The following PDE9A variants were observed in gnomAD, a reference collection of about 807,000 sequenced individuals.
PDE9A encodes phosphodiesterase 9A.
A neutral mutation model predicts 87.4 loss-of-function variants in PDE9A; 60 were observed. That is an observed-to-expected ratio of 0.69 (90% CI 0.56 to 0.85). The LOEUF (loss-of-function observed/expected upper bound fraction) is 0.85. Ranked by LOEUF, PDE9A falls within the 40% of genes least tolerant of loss-of-function variation. The pLI, the probability that PDE9A is intolerant of heterozygous loss-of-function variation, is 0.00. For missense variants in PDE9A, 665 were observed against 779.0 expected (o/e 0.85, Z 1.74); for synonymous variants, 272 against 279.4 (o/e 0.97, Z 0.27).
At chr21:42,714,288 A>G (rs1160327459) in intron 4 of PDE9A, among the ~76,000 whole-genome samples, 1 of 152,178 alleles carries the variant, frequency 6.6e-6, no homozygotes, top group Non-Finnish European at 1.5e-5. Flanking sequence ...AAGTGCTGGG[A>G]TTACAGGTGT....
intron 17 of PDE9A, 81 bp from the exon 18 acceptor site, chr21:42,770,622 C>G (rs1432940670): frequency 9.4e-7 from 1 of 1,068,836 alleles, no homozygotes; most frequent in Non-Finnish European, 1.4e-6. Flanking sequence ...CCGCACGGAG[C>G]ACCTGACACC....
intron 19 of PDE9A, among the ~76,000 whole-genome samples, chr21:42,773,863 G>A (rs948963799): frequency 6.7e-6 from 1 of 150,106 alleles, no homozygotes; most frequent in African/African-American, 2.5e-5. Flanking sequence ...CCAGCACTTT[G>A]GGAGGCCAAG....
intron 1 of PDE9A, among the ~76,000 whole-genome samples, chr21:42,681,458 C>G (rs536723910): frequency 5.3e-5 from 8 of 152,304 alleles, no homozygotes. Context: ...TCTCTGTGTG[C>G]CTTGGTTTCC....
rs1176689740 is a variant in PDE9A, at chr21:42,705,747, G to A, written c.262+6736G>A. ...GTCACACTTAACCCAAGTGATGACAGCCTCTTCAACTAGGACAGTGCTGTA... is the reference window on the plus strand; with the variant it reads ...GTCACACTTAACCCAAGTGATGACAACCTCTTCAACTAGGACAGTGCTGTA... On this transcript the variant is annotated intron_variant, in intron 4 of 19. Transcript: ENST00000291539. This position sits in a 1 kb window ranked among gnomAD's most constrained non-coding sequence, Gnocchi z 4.3. Among the ~76,000 whole-genome samples the A allele has an allele frequency of 6.6e-6, 1 of 152,170 alleles. No individual in the cohort carries two copies. Among genetic ancestry groups the A allele is most frequent in the African/African-American group, 2.4e-5 (1 of 41,436 alleles).
Position 42,731,894 on chromosome 21 carries a change from G to A in PDE9A, c.387G>A (p.Glu129=), listed in dbSNP as rs144139094. The part of the protein sequence containing the change: ...REGAFESGQV[E]PRPREPQGCY... ...GAGCATTTGAAAGTGGACAGGTAGA[G>A]CCCAGGCCCAGAGAGCCCCAGGGCT... The change falls in exon 5 of 20, where the codon GAG becomes GAA. Residue 129 remains glutamate, a synonymous_variant. Coordinates refer to ENST00000291539, the MANE Select transcript of PDE9A (RefSeq NM_002606.3). 22 of 1,614,154 alleles carry A rather than the reference G, an allele frequency of 1.4e-5. No individual in the cohort carries two copies. Among genetic ancestry groups the A allele is most frequent in the Middle Eastern group, 3.3e-4 (2 of 6,062 alleles).
intron 1 of PDE9A, among the ~76,000 whole-genome samples, chr21:42,673,314 G>A (rs139349831): frequency 6.6e-6 from 1 of 152,126 alleles, no homozygotes; most frequent in African/African-American, 2.4e-5. Flanking sequence ...GGCGATCCTA[G>A]AGGTAAGAGA....
At chr21:42,731,330 T>C (rs1451266698) in intron 4 of PDE9A, among the ~76,000 whole-genome samples, 7 of 152,150 alleles carry the variant, frequency 4.6e-5, no homozygotes, top group Admixed American at 2.6e-4. Flanking sequence ...TGACGTAAAC[T>C]TATGACTAAG....
At chr21:42,720,993 G>A (rs898779211) in intron 4 of PDE9A, among the ~76,000 whole-genome samples, 7 of 151,390 alleles carry the variant, frequency 4.6e-5, no homozygotes, top group Non-Finnish European at 7.4e-5. Context: ...TAACAAGAGC[G>A]AAACTCCGTC....
intron 1 of PDE9A, among the ~76,000 whole-genome samples, chr21:42,667,751 C>T (rs753405342): frequency 2.4e-4 from 37 of 152,074 alleles, no homozygotes; most frequent in Non-Finnish European, 5.0e-4. Context: ...TCCCTAGAAA[C>T]CCGTGGCAAG....
intron 8 of PDE9A, among the ~76,000 whole-genome samples, chr21:42,744,350 G>A (rs1174716594): frequency 6.6e-6 from 1 of 151,908 alleles, no homozygotes; most frequent in Non-Finnish European, 1.5e-5. Context: ...GCAAGACTCT[G>A]TCTCAAGAAA....
At position 42,758,692 on chromosome 21, in the gene PDE9A, C is replaced by T. The variant is rs1488685596; in HGVS notation, c.811-307C>T. The stretch of plus-strand genomic sequence containing the variant: ...GAACGGGTGCACTCTCTCACCCGGT[C>T]GCTGTCCTAAGAATTCTCCTTGACT... On this transcript the variant is annotated intron_variant, in intron 10 of 19. Coordinates refer to ENST00000291539, the MANE Select transcript of PDE9A (RefSeq NM_002606.3). 33 of 349,418 alleles carry T rather than the reference C, an allele frequency of 9.4e-5. No individual in the cohort carries two copies. The East Asian group carries it at 1.3e-3, about 14-fold the overall frequency. The allele number at this position is 349,418 out of a possible 1,614,324, so 21.6% of individuals were successfully genotyped here.
chr21:42,771,729 C>T (rs2057039501), intron 18 of PDE9A, among the ~76,000 whole-genome samples: 1 of 152,256 alleles, frequency 6.6e-6, no homozygotes, highest in Admixed American at 6.5e-5. Flanking sequence ...TCTCCCTCGA[C>T]TGACGGCCCC....
At chr21:42,685,156 GTT>G (rs2059382965) in intron 1 of PDE9A, among the ~76,000 whole-genome samples, 1 of 152,212 alleles carries the variant, frequency 6.6e-6, no homozygotes, top group East Asian at 1.9e-4. Flanking sequence ...GGCGTGGCCC[GTT>G]CCGCGCTCTG....
intron 1 of PDE9A, among the ~76,000 whole-genome samples, chr21:42,685,734 C>T (rs1238430023): frequency 6.6e-6 from 1 of 152,148 alleles, no homozygotes; most frequent in African/African-American, 2.4e-5. Flanking sequence ...TCCCAAAGTG[C>T]TGGGATTACA....
intron 1 of PDE9A, among the ~76,000 whole-genome samples, chr21:42,656,075 C>T (rs2057046711): frequency 6.6e-6 from 1 of 152,340 alleles, no homozygotes; most frequent in Admixed American, 6.5e-5. Flanking sequence ...CCATCAGCCG[C>T]CATTCCTTCT....
intron 2 of PDE9A, 136 bp downstream of exon 2, chr21:42,686,398 C>G (rs2059476693): frequency 3.0e-6 from 2 of 674,134 alleles, no homozygotes; most frequent in South Asian, 3.4e-5. Flanking sequence ...CGAAATCAAT[C>G]AATGCGCAGA....
In PDE9A at chr21:42,653,713, G is replaced by GGGGGGGCCCC; in HGVS notation, c.-102_-101insGGGGGGCCCC. 3.4e-6 allele frequency: 1 copy of GGGGGGGCCCC among 292,976 alleles called. No individual in the cohort carries two copies. The highest frequency in any genetic ancestry group is 6.4e-6 in the Non-Finnish European group (1 of 157,278). The allele number at this position is 292,976 out of a possible 1,614,324, so 18.1% of individuals were successfully genotyped here. The stretch of plus-strand genomic sequence containing the variant: ...TGTGGTTGGCTGAGCGCCGCGGGCC[G>GGGGGGGCCCC]CCCCCCGCCCGCCCCCTCCCCTGCT... On this transcript the variant is annotated 5_prime_UTR_variant, in exon 1 of 20. Coordinates refer to ENST00000291539, the MANE Select transcript of PDE9A (RefSeq NM_002606.3).
intron 9 of PDE9A, 112 bp from the exon 10 acceptor site, chr21:42,753,878 A>G (rs1312974235): frequency 7.3e-6 from 4 of 549,796 alleles, no homozygotes; most frequent in Non-Finnish European, 9.5e-6. Context: ...AAAAAAAAAA[A>G]GAAAGAAAGA....
At chr21:42,746,052 A>G (rs1433624041) in intron 8 of PDE9A, among the ~76,000 whole-genome samples, 1 of 152,174 alleles carries the variant, frequency 6.6e-6, no homozygotes, top group Non-Finnish European at 1.5e-5. Flanking sequence ...TATCCCTTAA[A>G]CGACTGCATT....
Sources: allele counts gnomAD v4.1 joint callset (sites outside exome capture counted in the v4.1 genomes callset), GRCh38; gene constraint gnomAD v4.1.1; non-coding constraint Gnocchi (gnomAD v3.1); transcripts MANE v1.5; gene names NCBI Gene and HGNC (gene_info 2026-07-23, HGNC 2026-07-21).